THOC7: variants seen among roughly 807,000 people sequenced by gnomAD.
THOC7 encodes the protein NIF3L1-binding protein 1.
A neutral mutation model predicts 33.1 loss-of-function variants in THOC7; 22 were observed. The observed-to-expected ratio is 0.66, with a 90% CI of 0.47 to 0.95. The LOEUF (loss-of-function observed/expected upper bound fraction) is 0.95, where lower values mean the gene tolerates loss of function less well. Among genes scored for constraint, THOC7 ranks in the 40% least tolerant of loss-of-function variants. THOC7 has a pLI of 0.00. For missense variants in THOC7, 184 were observed against 245.3 expected (o/e 0.75, Z 1.67); for synonymous variants, 77 against 76.8 (o/e 1.00, Z -0.01).
intron 1 of THOC7, among the ~76,000 whole-genome samples, chr3:63,850,239 T>C (rs564884070): frequency 6.6e-6 from 1 of 152,196 alleles, no homozygotes; most frequent in Admixed American, 6.5e-5. Flanking sequence ...TCACTCCCAT[T>C]GCCCAGGCTA....
At chr3:63,858,763 A>T (rs534257145) in intron 1 of THOC7, among the ~76,000 whole-genome samples, 3 of 152,216 alleles carry the variant, frequency 2.0e-5, no homozygotes, top group African/African-American at 7.2e-5. Context: ...GGAAGGAGAG[A>T]AAATGGCTTT....
intron 1 of THOC7, chr3:63,861,424 AG>A (rs1475152867): frequency 5.9e-5 from 9 of 152,352 alleles, no homozygotes; most frequent in Non-Finnish European, 1.2e-4. Flanking sequence ...CAATACCTGA[AG>A]TCCTGACATT....
intron 1 of THOC7, among the ~76,000 whole-genome samples, chr3:63,859,236 C>A (rs1043186362): frequency 3.9e-5 from 6 of 152,238 alleles, no homozygotes; most frequent in Non-Finnish European, 7.3e-5. Flanking sequence ...TTATGCAACT[C>A]AGAATGATCT....
intron 7 of THOC7, among the ~76,000 whole-genome samples, chr3:63,834,652 T>C (rs893864451): frequency 2.0e-5 from 3 of 149,516 alleles, no homozygotes; most frequent in African/African-American, 7.4e-5. Context: ...AGAGCAAGAC[T>C]GTCTTAAAAA....
upstream of THOC7, among the ~76,000 whole-genome samples, chr3:63,864,151 G>GCCGCCAGGTGAGC (rs1299657523): frequency 1.3e-5 from 2 of 149,422 alleles, no homozygotes; most frequent in African/African-American, 4.9e-5. Context: ...GCCGCAGCCA[G>GCCGCCAGGTGAGC]CCGCCAGGTG....
chr3:63,851,457 CAAA>C (rs971980569), intron 1 of THOC7, among the ~76,000 whole-genome samples: 18 of 152,152 alleles, frequency 1.2e-4, no homozygotes, highest in Non-Finnish European at 1.0e-4. Context: ...GACTAAAAAT[CAAA>C]ATGGAGTCAC....
chr3:63,855,576 T>C (rs987528406), intron 1 of THOC7, among the ~76,000 whole-genome samples: 1 of 152,216 alleles, frequency 6.6e-6, no homozygotes, highest in African/African-American at 2.4e-5. Context: ...AAAGGGAGTT[T>C]CTCATAAACC....
chr3:63,846,404 T>C (rs1006699639), intron 1 of THOC7, among the ~76,000 whole-genome samples: 1 of 152,116 alleles, frequency 6.6e-6, no homozygotes, highest in Non-Finnish European at 1.5e-5. Context: ...TAACTTATTA[T>C]TTAAAAATTT....
intron 4 of THOC7, 91 bp from the exon 5 acceptor site, chr3:63,836,449 CA>C: frequency 8.4e-7 from 1 of 1,186,274 alleles, no homozygotes; most frequent in Non-Finnish European, 1.2e-6. Context: ...CTCTCCTAAT[CA>C]CTTTCCTAGT....
chr3:63,863,399 T>C, intron 1 of THOC7: 3 of 1,043,012 alleles, frequency 2.9e-6, no homozygotes, highest in Non-Finnish European at 2.3e-6. Flanking sequence ...ACCGCGCCCC[T>C]AGACAAACCC....
At chr3:63,839,076 G>T (rs1015205667) in intron 2 of THOC7, among the ~76,000 whole-genome samples, 2 of 152,060 alleles carry the variant, frequency 1.3e-5, no homozygotes, top group African/African-American at 4.8e-5. Flanking sequence ...TATAATCCCA[G>T]CTACTCAGGA....
chr3:63,836,305 A>C lies in THOC7; in HGVS notation c.406T>G (p.Leu136Val). The change falls in exon 5 of 8, where the codon TTA becomes GTA. Residue 136 changes from leucine (L) to valine (V), a missense_variant. Transcript: ENST00000295899. ...AAAGTAAAGCTCTACACTTACTTTA[A>C]TGTCTCATGCCTGTCTGGATGGTGC... ...IQHHPDRHET[L>V]KELEALGKEL... 1.9e-6 allele frequency: 3 copies of C among 1,612,440 alleles called. No individual in the cohort carries two copies. The highest frequency in any genetic ancestry group is 2.5e-6 in the Non-Finnish European group (3 of 1,178,988).
intron 1 of THOC7, chr3:63,861,076 T>G (rs1702201452): frequency 6.6e-6 from 1 of 152,214 alleles, no homozygotes; most frequent in African/African-American, 2.4e-5. Context: ...TATTAATTAT[T>G]ATGTGTTGGA....
At chr3:63,860,131 C>T (rs1296472143) in intron 1 of THOC7, among the ~76,000 whole-genome samples, 2 of 152,018 alleles carry the variant, frequency 1.3e-5, no homozygotes, top group Admixed American at 6.6e-5. Flanking sequence ...TTCCACTCCA[C>T]CTGGCTAATT....
chr3:63,857,812 T>C (rs142879636), intron 1 of THOC7, among the ~76,000 whole-genome samples: 4 of 152,188 alleles, frequency 2.6e-5, no homozygotes, highest in Non-Finnish European at 5.9e-5. Context: ...AAACATCATG[T>C]TGAGGTCCTT....
In THOC7 at chr3:63,838,006, G is replaced by T; in HGVS notation, c.322C>A (p.Gln108Lys). Residue 108 changes from glutamine (Q) to lysine (K), a missense_variant, in exon 4 of 8, where the codon CAA becomes AAA. This residue lies in a region of THOC7 where 157 missense variants were observed against 201.3 expected (regional missense o/e 0.78). Transcript: ENST00000295899. ...CGATTTTTTCGTATTCGTTTTGCTT[G>T]AAGAATTTGCTTTTTGCACTCAGCA... ...KIAECKKQIL[Q>K]AKRIRKNRQE... 6.2e-7 allele frequency: 1 copy of T among 1,609,274 alleles called. No homozygotes were observed. Among genetic ancestry groups the T allele is most frequent in the Non-Finnish European group, 8.5e-7 (1 of 1,178,224 alleles).
chr3:63,839,620 G>C, intron 2 of THOC7, 36 bp downstream of exon 2: 1 of 1,560,430 alleles, frequency 6.4e-7, no homozygotes, highest in Non-Finnish European at 8.8e-7. Context: ...ATCACATTAG[G>C]ACACTGGTAT....
At chr3:63,856,137 TATAAA>T (rs1419228308) in intron 1 of THOC7, among the ~76,000 whole-genome samples, 2 of 152,034 alleles carry the variant, frequency 1.3e-5, no homozygotes, top group African/African-American at 2.4e-5. Context: ...TACACACTGA[TATAAA>T]AGAATAAGGT....
At chr3:63,863,937 AG>A, upstream of THOC7, 2 of 339,046 alleles carry the variant, frequency 5.9e-6, no homozygotes, top group Non-Finnish European at 7.8e-6. Flanking sequence ...CCGACGCCTG[AG>A]CCGCGCCGCG....
Sources: gnomAD v4.1 joint callset for allele counts (sites outside exome capture counted in the v4.1 genomes callset) on GRCh38, gnomAD v4.1.1 for gene constraint, gnomAD v4.1.1 regional missense constraint, MANE v1.5 for transcripts, NCBI Gene and HGNC (gene_info 2026-07-23, HGNC 2026-07-21) for gene names.